PTGFRN: variants seen among roughly 807,000 people sequenced by gnomAD.
PTGFRN encodes prostaglandin F2 receptor inhibitor, also known as prostaglandin F2 receptor negative regulator.
PTGFRN carries 35 observed loss-of-function variants against 83.2 expected under a neutral mutation model. That is an observed-to-expected ratio of 0.42 (90% CI 0.32 to 0.56). PTGFRN has a LOEUF of 0.56. Among genes scored for constraint, PTGFRN ranks in the 20% least tolerant of loss-of-function variants. The probability of loss-of-function intolerance (pLI) is 0.11; values close to 1 mark genes in which losing one functional copy is unlikely to be tolerated. For missense variants in PTGFRN, 1,051 were observed against 1,179.5 expected, an observed-to-expected ratio of 0.89 and a Z score of 1.60; for synonymous variants, 519 against 498.6, an observed-to-expected ratio of 1.04 and a Z score of -0.55.
At chr1:116,914,902 A>G (rs1218863111) in intron 1 of PTGFRN, among the ~76,000 whole-genome samples, 1 of 152,170 alleles carries the variant, frequency 6.6e-6, no homozygotes, top group Non-Finnish European at 1.5e-5. Flanking sequence ...GGCACAGACT[A>G]ATAATAGCTA....
At chr1:116,982,796 A>G (rs555770808) in intron 7 of PTGFRN, among the ~76,000 whole-genome samples, 2 of 152,270 alleles carry the variant, frequency 1.3e-5, no homozygotes, top group East Asian at 3.9e-4. Flanking sequence ...CCACAGGCTG[A>G]GTGGCAAAGA....
intron 1 of PTGFRN, among the ~76,000 whole-genome samples, chr1:116,939,630 A>G (rs1398736197): frequency 6.6e-6 from 1 of 152,216 alleles, no homozygotes; most frequent in African/African-American, 2.4e-5. Context: ...TGTCTTGGGG[A>G]TTAACATTAG....
At position 116,944,197 on chromosome 1, in the gene PTGFRN, C is replaced by T. The variant is rs369599230; in HGVS notation, c.419-482C>T. Among the ~76,000 whole-genome samples, 113 of 152,296 alleles carry T rather than the reference C, an allele frequency of 7.4e-4. 1 individual carries two copies. In the East Asian group the frequency reaches 0.013, roughly 17 times the overall value. On this transcript the variant is annotated intron_variant, in intron 2 of 8. Transcript: ENST00000393203. ...AAGGTCACCTTATCTGCAGATTCTG[C>T]GGGCTCCCTAGCCTAGCCCTGGTCC... is the stretch of plus-strand genomic sequence containing the variant.
chr1:116,933,139 T>A (rs1339052303), intron 1 of PTGFRN, among the ~76,000 whole-genome samples: 3 of 152,228 alleles, frequency 2.0e-5, no homozygotes, highest in Non-Finnish European at 4.4e-5. Context: ...TAAATCAAAC[T>A]GAATACATCA....
intron 1 of PTGFRN, 42 bp downstream of exon 1, chr1:116,910,294 G>C: frequency 7.7e-7 from 1 of 1,298,462 alleles, no homozygotes; most frequent in Non-Finnish European, 9.7e-7. Flanking sequence ...GGGGACTGGC[G>C]AGGCCCTGGA....
chr1:116,920,626 A>G (rs780477184), intron 1 of PTGFRN, among the ~76,000 whole-genome samples: 1 of 152,098 alleles, frequency 6.6e-6, no homozygotes, highest in Non-Finnish European at 1.5e-5. Flanking sequence ...AAGAGTTGAA[A>G]TACTTTTGTT....
intron 1 of PTGFRN, among the ~76,000 whole-genome samples, chr1:116,928,766 A>G (rs1399168083): frequency 6.6e-6 from 1 of 152,228 alleles, no homozygotes; most frequent in Non-Finnish European, 1.5e-5. Context: ...TAGAGACCAA[A>G]GAAACCTCAA....
intron 4 of PTGFRN, among the ~76,000 whole-genome samples, chr1:116,950,134 G>A (rs1346236626): frequency 2.6e-5 from 4 of 152,166 alleles, no homozygotes; most frequent in Non-Finnish European, 5.9e-5. Flanking sequence ...CCCCAGTGGA[G>A]GAGCAGAGTA....
At chr1:116,962,056 A>G (rs1237393039) in intron 5 of PTGFRN, among the ~76,000 whole-genome samples, 1 of 151,870 alleles carries the variant, frequency 6.6e-6, no homozygotes, top group Non-Finnish European at 1.5e-5. Context: ...TTCTTCCCAC[A>G]CTTCTCATAA....
chr1:116,973,488 C>T (rs538826700), intron 6 of PTGFRN, among the ~76,000 whole-genome samples: 205 of 151,796 alleles, frequency 1.4e-3, no homozygotes, highest in African/African-American at 4.4e-3. Flanking sequence ...GCCTGTAATC[C>T]CAGCTACCCA....
Position 116,961,319 on chromosome 1 carries a change from G to C in PTGFRN, c.1290G>C (p.Arg430=). The change falls in exon 5 of 9, where the codon CGG becomes CGC. Residue 430 remains arginine (R), a synonymous_variant. Transcript: ENST00000393203. The surrounding 1 kb of genome is among the most constrained non-coding windows in gnomAD (Gnocchi z 5.4). ...ATGACCCCACAGAGCTGGCATGCCG[G>C]GTGGTGGACACGAAGAGTGGGGAGG... ...FADDPTELAC[R]VVDTKSGEAN... 6.4e-7 allele frequency: 1 copy of C among 1,565,372 alleles called. No homozygotes were observed. Among genetic ancestry groups the C allele is most frequent in the African/African-American group, 1.3e-5 (1 of 74,074 alleles).
chr1:116,931,742 A>C (rs1021853458), intron 1 of PTGFRN, among the ~76,000 whole-genome samples: 1 of 152,136 alleles, frequency 6.6e-6, no homozygotes, highest in Admixed American at 6.5e-5. Flanking sequence ...TTGTTGAGTC[A>C]GGTACTCCAA....
intron 1 of PTGFRN, 102 bp downstream of exon 1, chr1:116,910,354 C>A: frequency 9.3e-7 from 1 of 1,078,456 alleles, no homozygotes; most frequent in Non-Finnish European, 1.2e-6. Flanking sequence ...GCCGAGGGTG[C>A]CCGGGCTGCT....
chr1:116,917,770 C>G (rs1649440162), intron 1 of PTGFRN, among the ~76,000 whole-genome samples: 1 of 152,068 alleles, frequency 6.6e-6, no homozygotes, highest in African/African-American at 2.4e-5. Flanking sequence ...GCCAGGACTG[C>G]ACAACCAGGC....
chr1:116,944,724 C>T lies in PTGFRN; in HGVS notation c.464C>T (p.Pro155Leu), dbSNP rs1650144242. The T allele has an allele frequency of 4.8e-6, 7 of 1,460,796 alleles. No individual in the cohort carries two copies. The highest frequency in any genetic ancestry group is 4.4e-5 in the South Asian group (3 of 68,420). The allele number at this position is 1,460,796 out of a possible 1,614,324, so 90.5% of individuals were successfully genotyped here. ...GTGGGCCCCAGCGCGCGGCCCCCGC[C>T]GAGCCTGAGCCTGCGGGAGGGGGAG... ...LHVGPSARPP[P>L]SLSLREGEPF... is the part of the protein sequence containing the mutation. Residue 155 changes from proline (P) to leucine (L), a missense_variant, in exon 3 of 9, where the codon CCG becomes CTG. Physicochemically the swap from Pro to Leu is moderately conservative, Grantham distance 98 (BLOSUM62 -3). This residue lies in a region of PTGFRN where 205 missense variants were observed against 174.5 expected (regional missense o/e 1.17). Transcript: ENST00000393203.
chr1:116,965,978 A>G (rs1388274900), intron 5 of PTGFRN, among the ~76,000 whole-genome samples: 1 of 152,180 alleles, frequency 6.6e-6, no homozygotes, highest in Non-Finnish European at 1.5e-5. Context: ...CTTAATATAC[A>G]TGTTCTGCTA....
At chr1:116,932,778 T>A (rs1039973999) in intron 1 of PTGFRN, among the ~76,000 whole-genome samples, 1 of 152,158 alleles carries the variant, frequency 6.6e-6, no homozygotes, top group African/African-American at 2.4e-5. Context: ...CTACTCAGAT[T>A]AAAGACAAAA....
chr1:116,983,115 TA>T (rs1651367643), intron 7 of PTGFRN, among the ~76,000 whole-genome samples: 2 of 152,334 alleles, frequency 1.3e-5, no homozygotes, highest in African/African-American at 4.8e-5. Context: ...ATAAATGTGG[TA>T]AATTTAACCC....
chr1:116,926,570 T>TA (rs1649665322), intron 1 of PTGFRN, among the ~76,000 whole-genome samples: 2 of 152,204 alleles, frequency 1.3e-5, no homozygotes, highest in South Asian at 2.1e-4. Context: ...ATCTTTTTTT[T>TA]ATTATCGCTT....
Sources: allele counts gnomAD v4.1 joint callset (sites outside exome capture counted in the v4.1 genomes callset), GRCh38; gene constraint gnomAD v4.1.1; regional missense constraint gnomAD v4.1.1; non-coding constraint Gnocchi (gnomAD v3.1); transcripts MANE v1.5; gene names NCBI Gene and HGNC (gene_info 2026-07-23, HGNC 2026-07-21).